The following SP7 variants were observed in gnomAD, a reference collection of about 807,000 sequenced individuals.
The protein encoded by SP7 is Sp7 transcription factor.
SP7 carries 13 observed loss-of-function variants against 27.9 expected under a neutral mutation model. That is an observed-to-expected ratio of 0.47 (90% confidence interval 0.30 to 0.74). The LOEUF is 0.74. SP7 is among the 30% of genes least tolerant of loss of function. The pLI is 0.06. For synonymous variants in SP7, 219 were observed against 226.7 expected (o/e 0.97, Z 0.31); for missense variants, 525 against 558.0 (o/e 0.94, Z 0.60).
upstream of SP7, among the ~76,000 whole-genome samples, chr12:53,338,855 C>G (rs1944798069): frequency 6.6e-6 from 1 of 152,192 alleles, no homozygotes; most frequent in Admixed American, 6.5e-5. Flanking sequence ...CCCTCAGGAA[C>G]CCCTGGGTTC....
rs1944675006 is a variant in SP7 at position 53,329,278 on chromosome 12, G to A, written c.164C>T (p.Ser55Leu). The A allele has an allele frequency of 2.5e-6, 4 of 1,613,868 alleles. No individual in the cohort carries two copies. Among genetic ancestry groups the A allele is most frequent in the Non-Finnish European group, 3.4e-6 (4 of 1,179,888 alleles). Residue 55 changes from serine to leucine, a missense_variant, in exon 3 of 3, where the codon TCA becomes TTA. Ser to Leu is a moderately radical substitution (Grantham distance 145). Coordinates refer to ENST00000536324, the MANE Select transcript of SP7 (RefSeq NM_001173467.3). ...AGCATCCCCCATGGTTTTGGAGGCT[G>A]AAAGGTCACTGCCCACAGAGTACGG... ...KKPYSVGSDLSASKTMGDAYP... is the reference protein window; with the variant it reads ...KKPYSVGSDLLASKTMGDAYP...
upstream of SP7, among the ~76,000 whole-genome samples, chr12:53,339,085 G>C (rs1053773777): frequency 1.3e-5 from 2 of 152,126 alleles, no homozygotes; most frequent in Admixed American, 6.5e-5. Flanking sequence ...GGCAGGGGCG[G>C]GTAGAGGCTG....
chr12:53,339,732 A>C (rs933217668), upstream of SP7, among the ~76,000 whole-genome samples: 3 of 149,830 alleles, frequency 2.0e-5, no homozygotes, highest in African/African-American at 7.3e-5. Context: ...TCTCAAAAAA[A>C]AAAAAAAAGA....
intron 2 of SP7, among the ~76,000 whole-genome samples, chr12:53,332,054 A>G (rs903019587): frequency 1.3e-5 from 2 of 152,094 alleles, no homozygotes; most frequent in African/African-American, 4.8e-5. Context: ...CACAGTGAAC[A>G]CTCACGGTTC....
Position 53,332,395 on chromosome 12 carries a change from T to C in SP7, c.22-2975A>G, listed in dbSNP as rs570715990. Among the ~76,000 whole-genome samples, 11 of 152,008 alleles carry C rather than the reference T, an allele frequency of 7.2e-5. No individual in the cohort carries two copies. The East Asian group carries it at 2.1e-3, about 29-fold the overall frequency. On this transcript the variant is annotated intron_variant, in intron 2 of 2. Transcript: ENST00000536324. ...CAGTTTGAGACCAGCCTGGGCAACA[T>C]AGTGAAACCCCATTTCTATAACAGA...
At chr12:53,330,977 G>A (rs114508249) in intron 2 of SP7, among the ~76,000 whole-genome samples, 1,621 of 152,334 alleles carry the variant, frequency 0.011, 30 homozygotes, top group African/African-American at 0.037. Context: ...CTCCTGCTTT[G>A]TGGTGCCAGC....
chr12:53,329,230 G>T lies in SP7; in HGVS notation c.212C>A (p.Thr71Asn). ...GDAYPAPFTS[T>N]NGLLSPAGSP... Reference sequence around the variant, plus strand: ...GCCTGCAGGTGAAAGGAGCCCATTAGTGCTTGTAAAGGGGGCTGGATAAGC... The same window carrying T: ...GCCTGCAGGTGAAAGGAGCCCATTATTGCTTGTAAAGGGGGCTGGATAAGC... Residue 71 changes from threonine (T) to asparagine (N), a missense_variant, in exon 3 of 3, where the codon ACT (threonine) becomes AAT (asparagine). By Grantham distance (65) the Thr-to-Asn change is moderately conservative. Transcript: ENST00000536324. 1 of 1,613,878 alleles carries T rather than the reference G, an allele frequency of 6.2e-7. No individual in the cohort carries two copies. The highest frequency in any genetic ancestry group is 8.5e-7 in the Non-Finnish European group (1 of 1,179,888).
rs1944760505 is a variant in SP7 at position 53,335,681 on chromosome 12, C to T, written c.-35G>A. 4 of 1,161,424 alleles carry T rather than the reference C, an allele frequency of 3.4e-6. No homozygotes were observed. Among genetic ancestry groups the T allele is most frequent in the Non-Finnish European group, 3.6e-6 (3 of 837,714 alleles). The allele number at this position is 1,161,424 out of a possible 1,614,324, so 71.9% of individuals were successfully genotyped here. ...GGGGAACGGGTCCCAAGGAGCCAGG[C>T]AGATGGAGAGAGCTGAGCCGGGGGG... On this transcript the variant is annotated 5_prime_UTR_variant, in exon 2 of 3. Transcript: ENST00000536324.
chr12:53,333,227 T>G (rs2136842242), intron 2 of SP7, among the ~76,000 whole-genome samples: 1 of 152,316 alleles, frequency 6.6e-6, no homozygotes, highest in East Asian at 1.9e-4. Context: ...GAAAGAGCAC[T>G]GGTTAAGAGT....
chr12:53,332,582 AC>A (rs1944717871), intron 2 of SP7, among the ~76,000 whole-genome samples: 1 of 152,188 alleles, frequency 6.6e-6, no homozygotes, highest in Non-Finnish European at 1.5e-5. Context: ...TGTCTCAAAA[AC>A]AACAGCAACA....
intron 2 of SP7, among the ~76,000 whole-genome samples, chr12:53,329,664 A>G (rs1163638052): frequency 2.0e-5 from 3 of 152,136 alleles, no homozygotes; most frequent in Non-Finnish European, 4.4e-5. Context: ...CCCAACCCAG[A>G]AGGCAGGAAG....
At chr12:53,335,293 C>T (rs560241573) in intron 2 of SP7, among the ~76,000 whole-genome samples, 5 of 150,232 alleles carry the variant, frequency 3.3e-5, no homozygotes, top group South Asian at 4.3e-4. Flanking sequence ...CACTCCCCCT[C>T]GCCCCCCTCC....
chr12:53,329,690 A>G (rs1163063587), intron 2 of SP7, among the ~76,000 whole-genome samples: 1 of 152,028 alleles, frequency 6.6e-6, no homozygotes, highest in Non-Finnish European at 1.5e-5. Flanking sequence ...CTCATTCTGG[A>G]GTTGCTAGGG....
chr12:53,337,931 G>A (rs977235882), upstream of SP7, among the ~76,000 whole-genome samples: 2 of 151,988 alleles, frequency 1.3e-5, no homozygotes, highest in African/African-American at 4.8e-5. Context: ...GTATAAGAGA[G>A]AGGAAACAGG....
chr12:53,338,245 C>T (rs1944791140), upstream of SP7, among the ~76,000 whole-genome samples: 1 of 152,078 alleles, frequency 6.6e-6, no homozygotes, highest in Non-Finnish European at 1.5e-5. Context: ...GAGGAAGTGC[C>T]CGTGGTGGGG....
At chr12:53,334,513 C>T (rs1186348104) in intron 2 of SP7, among the ~76,000 whole-genome samples, 1 of 152,198 alleles carries the variant, frequency 6.6e-6, no homozygotes, top group Non-Finnish European at 1.5e-5. Context: ...TCCTGTTTGG[C>T]CCAGCACCCC....
chr12:53,331,470 C>CAAA (rs367626786), intron 2 of SP7, among the ~76,000 whole-genome samples: 2,977 of 104,630 alleles, frequency 0.028, 181 homozygotes, highest in East Asian at 0.18. Flanking sequence ...GACTCCATCT[C>CAAA]AAAAAAAAAA....
intron 2 of SP7, among the ~76,000 whole-genome samples, chr12:53,334,013 C>T (rs1944737350): frequency 6.6e-6 from 1 of 152,246 alleles, no homozygotes; most frequent in Non-Finnish European, 1.5e-5. Context: ...GTTGGCAACA[C>T]TGGCATGATG....
chr12:53,332,900 G>T (rs1420765622), intron 2 of SP7, among the ~76,000 whole-genome samples: 1 of 152,018 alleles, frequency 6.6e-6, no homozygotes, highest in African/African-American at 2.4e-5. Context: ...CCCTGCGGTC[G>T]GTTTATTTTT....
Sources: gnomAD v4.1 joint callset for allele counts (sites outside exome capture counted in the v4.1 genomes callset) on GRCh38, gnomAD v4.1.1 for gene constraint, MANE v1.5 for transcripts, NCBI Gene and HGNC (gene_info 2026-07-23, HGNC 2026-07-21) for gene names.